FAM76A: variants seen among roughly 807,000 people sequenced by gnomAD.
FAM76A encodes the protein family with sequence similarity 76 member A, also known as protein FAM76A.
A neutral mutation model predicts 46.2 loss-of-function variants in FAM76A; 32 were observed. That is an observed-to-expected ratio of 0.69 (90% CI 0.52 to 0.93). The LOEUF (loss-of-function observed/expected upper bound fraction) is 0.93, where lower values mean the gene tolerates loss of function less well. Ranked by LOEUF, FAM76A falls within the 40% of genes least tolerant of loss-of-function variation. The probability of loss-of-function intolerance (pLI) is 0.00; values close to 1 mark genes in which losing one functional copy is unlikely to be tolerated. For synonymous variants in FAM76A, 137 were observed against 127.0 expected (o/e 1.08, Z -0.53); for missense variants, 274 against 361.5 (o/e 0.76, Z 1.96).
At chr1:27,739,258 G>A in intron 4 of FAM76A, 1 of 511,576 alleles carries the variant, frequency 2.0e-6, no homozygotes, top group African/African-American at 2.0e-5. Flanking sequence ...AGTGAAGGAT[G>A]TGTGTTCGCC....
rs370731107 is a variant in FAM76A, at chr1:27,761,889, C to T, written c.*1308C>T. ...TGAGGCAGGAGAACTGCTCGAATCC[C>T]GGGAGGCAGAGGTTGCAATGAGCTG... On this transcript the variant is annotated 3_prime_UTR_variant, in exon 9 of 9. Coordinates refer to ENST00000373954, the MANE Select transcript of FAM76A (RefSeq NM_152660.3). 3 of 149,532 alleles carry T rather than the reference C, an allele frequency of 2.0e-5. No individual in the cohort carries two copies. The highest frequency in any genetic ancestry group is 4.2e-4 in the South Asian group (2 of 4,774). The allele number at this position is 149,532 out of a possible 1,614,324, so 9.3% of individuals were successfully genotyped here.
In FAM76A at chr1:27,760,729, G is replaced by C; in HGVS notation, c.*148G>C. The C allele has an allele frequency of 1.9e-6, 1 of 515,774 alleles. No homozygotes were observed. Among genetic ancestry groups the C allele is most frequent in the Non-Finnish European group, 3.5e-6 (1 of 283,400 alleles). 31.9% of individuals were successfully genotyped at this position (515,774 alleles called of 1,614,324 possible). A position where few individuals can be genotyped will look rare whatever the true frequency, so the allele number is the denominator to read the frequency against. On this transcript the variant is annotated 3_prime_UTR_variant, in exon 9 of 9. Coordinates refer to ENST00000373954, the MANE Select transcript of FAM76A (RefSeq NM_152660.3). ...CTTCTTTGTGCGATTGCAGTGGGCT[G>C]AATGGAAACACCTGGTTTGTGCTGT...
chr1:27,762,855 G>T lies in FAM76A; in HGVS notation c.*2274G>T, dbSNP rs2088529597. The T allele has an allele frequency of 6.6e-6, 1 of 151,840 alleles. No individual in the cohort carries two copies. Among genetic ancestry groups the T allele is most frequent in the Non-Finnish European group, 1.5e-5 (1 of 67,966 alleles). 9.4% of individuals were successfully genotyped at this position (151,840 alleles called of 1,614,324 possible). A position where few individuals can be genotyped will look rare whatever the true frequency, so the allele number is the denominator to read the frequency against. ...GTTTTATACTAAATCTTTTTTTAAGGTCTTGGCATTTAATATAAAGCAAAT... is the reference window on the plus strand; with the variant it reads ...GTTTTATACTAAATCTTTTTTTAAGTTCTTGGCATTTAATATAAAGCAAAT... On this transcript the variant is annotated 3_prime_UTR_variant, in exon 9 of 9. Coordinates refer to ENST00000373954, the MANE Select transcript of FAM76A (RefSeq NM_152660.3).
Position 27,743,258 on chromosome 1 carries a change from C to T in FAM76A, c.355-1396C>T, listed in dbSNP as rs898816465. Among the ~76,000 whole-genome samples, 10 of 152,186 alleles carry T rather than the reference C, an allele frequency of 6.6e-5. No individual in the cohort carries two copies. In the East Asian group the frequency reaches 1.5e-3, roughly 24 times the overall value. On this transcript the variant is annotated intron_variant, in intron 4 of 8. Coordinates refer to ENST00000373954, the MANE Select transcript of FAM76A (RefSeq NM_152660.3). ...CTTGACCTCCCAGGCTCAAGTGATT[C>T]TCCCACCTCAGCCTCCCTAGTAGCT...
At chr1:27,734,248 T>C in intron 4 of FAM76A, 65 bp downstream of exon 4, 1 of 1,513,978 alleles carries the variant, frequency 6.6e-7, no homozygotes, top group Non-Finnish European at 8.8e-7. Flanking sequence ...ACTAACTGTG[T>C]TAAAAACACA....
chr1:27,756,256 G>A (rs1010891399), intron 7 of FAM76A, among the ~76,000 whole-genome samples: 2 of 152,130 alleles, frequency 1.3e-5, no homozygotes, highest in African/African-American at 4.8e-5. Context: ...CTTACTAAGT[G>A]ACCCATCTTT....
rs577277433 is a variant in FAM76A at position 27,736,183 on chromosome 1, G to A, written c.354+2000G>A. Among the ~76,000 whole-genome samples the A allele has an allele frequency of 4.6e-5, 7 of 152,142 alleles. No individual in the cohort carries two copies. In the East Asian group the frequency reaches 7.7e-4, roughly 17 times the overall value. ...AAAAATATAAAAAAATTAACCGGGC[G>A]TGGTGGCGCACACCTGTAATCCCAG... On this transcript the variant is annotated intron_variant, in intron 4 of 8. Coordinates refer to ENST00000373954, the MANE Select transcript of FAM76A (RefSeq NM_152660.3).
At chr1:27,745,051 G>T (rs1317444227) in intron 5 of FAM76A, among the ~76,000 whole-genome samples, 2 of 152,168 alleles carry the variant, frequency 1.3e-5, no homozygotes, top group Admixed American at 1.3e-4. Flanking sequence ...AATGTTTGTG[G>T]AACTTCGTTT....
chr1:27,727,620 C>G (rs1571461801), intron 2 of FAM76A, 84 bp downstream of exon 2: 4 of 978,448 alleles, frequency 4.1e-6, no homozygotes, highest in East Asian at 2.6e-5. Flanking sequence ...TGTACAGATG[C>G]TATAATCAGT....
intron 8 of FAM76A, 152 bp downstream of exon 8, chr1:27,759,779 G>GTTTTTTTGTTTTTTTTTTTTT (rs1553179887): frequency 3.0e-6 from 1 of 332,448 alleles, no homozygotes; most frequent in African/African-American, 3.4e-5. Context: ...TTTTTTTTTT[G>GTTTTTTTGTTTTTTTTTTTTT]TTTTTTTTTT....
intron 4 of FAM76A, among the ~76,000 whole-genome samples, chr1:27,736,909 G>A (rs2088056471): frequency 6.6e-6 from 1 of 151,954 alleles, no homozygotes; most frequent in Admixed American, 6.6e-5. Context: ...GTACAGATGT[G>A]AGCCACCACG....
intron 5 of FAM76A, 81 bp downstream of exon 5, chr1:27,744,892 T>A: frequency 7.6e-7 from 1 of 1,323,790 alleles, no homozygotes; most frequent in Non-Finnish European, 1.1e-6. Context: ...TGGTACATAC[T>A]ACCATCTCAT....
At chr1:27,730,795 T>A (rs1371211638) in intron 2 of FAM76A, among the ~76,000 whole-genome samples, 1 of 152,170 alleles carries the variant, frequency 6.6e-6, no homozygotes, top group Non-Finnish European at 1.5e-5. Context: ...GGGAAAATGA[T>A]CACAAAGCAG....
At chr1:27,746,367 A>T (rs2088240629) in intron 5 of FAM76A, among the ~76,000 whole-genome samples, 1 of 152,194 alleles carries the variant, frequency 6.6e-6, no homozygotes, top group Non-Finnish European at 1.5e-5. Flanking sequence ...AGCATGAAGA[A>T]TTACTTTTAG....
At chr1:27,730,539 A>G (rs1409088399) in intron 2 of FAM76A, among the ~76,000 whole-genome samples, 1 of 152,106 alleles carries the variant, frequency 6.6e-6, no homozygotes. Context: ...ATATGTATAT[A>G]TTGACATCTA....
At chr1:27,753,193 G>T (rs1011335846) in intron 6 of FAM76A, among the ~76,000 whole-genome samples, 2 of 152,152 alleles carry the variant, frequency 1.3e-5, no homozygotes, top group Non-Finnish European at 2.9e-5. Flanking sequence ...GAAAAAAAGA[G>T]AAAAGAGAGA....
chr1:27,732,111 C>G (rs778606034), intron 2 of FAM76A, among the ~76,000 whole-genome samples: 30 of 152,162 alleles, frequency 2.0e-4, no homozygotes, highest in Non-Finnish European at 4.4e-4. Context: ...CGTGAGCCAC[C>G]ACGCCCAGCC....
intron 7 of FAM76A, among the ~76,000 whole-genome samples, chr1:27,758,223 C>T (rs372404418): frequency 1.6e-4 from 25 of 152,184 alleles, no homozygotes; most frequent in East Asian, 7.7e-4. Flanking sequence ...GTTAATATGT[C>T]CAAACCACAC....
In FAM76A at chr1:27,734,117, A is replaced by T; in HGVS notation, c.288A>T (p.Gly96=). The T allele has an allele frequency of 1.2e-6, 2 of 1,613,182 alleles. No homozygotes were observed. The highest frequency in any genetic ancestry group is 1.7e-6 in the Non-Finnish European group (2 of 1,179,824). The change falls in exon 4 of 9, where the codon GGA becomes GGT. Residue 96 remains glycine (G), a synonymous_variant. Transcript: ENST00000373954. The part of the protein sequence containing the change: ...QRCTNSEKKY[G]PPYSCEQCKQ... The stretch of plus-strand genomic sequence containing the variant: ...GCACAAATTCAGAAAAGAAGTATGG[A>T]CCACCCTATTCTTGTGAACAGTGCA...
Sources: allele counts gnomAD v4.1 joint callset (sites outside exome capture counted in the v4.1 genomes callset), GRCh38; gene constraint gnomAD v4.1.1; transcripts MANE v1.5; gene names NCBI Gene and HGNC (gene_info 2026-07-23, HGNC 2026-07-21).